PDE6A: variants seen among roughly 807,000 people sequenced by gnomAD.
PDE6A encodes the protein rod cGMP-specific 3',5'-cyclic phosphodiesterase subunit alpha.
PDE6A carries 84 observed loss-of-function variants against 106.3 expected under a neutral mutation model. The observed-to-expected ratio is 0.79, with a 90% confidence interval of 0.66 to 0.95. The LOEUF (loss-of-function observed/expected upper bound fraction) is 0.95. Ranked by LOEUF, PDE6A falls within the 40% of genes least tolerant of loss-of-function variation. The pLI is 0.00. For synonymous variants in PDE6A, 394 were observed against 386.6 expected, an observed-to-expected ratio of 1.02 and a Z score of -0.23; for missense variants, 1,052 against 1,084.9, an observed-to-expected ratio of 0.97 and a Z score of 0.43.
At chr5:149,920,446 T>G (rs1232590882) in intron 5 of PDE6A, among the ~76,000 whole-genome samples, 1 of 152,038 alleles carries the variant, frequency 6.6e-6, no homozygotes, top group Non-Finnish European at 1.5e-5. Context: ...CCAGGTATGG[T>G]GGCAGGTGCC....
At chr5:149,861,287 T>C (rs1241880876) in intron 21 of PDE6A, among the ~76,000 whole-genome samples, 1 of 152,262 alleles carries the variant, frequency 6.6e-6, no homozygotes, top group Non-Finnish European at 1.5e-5. Flanking sequence ...GCCACTCGGC[T>C]TCAGCCAATT....
At chr5:149,933,809 GAT>G (rs1003090608) in intron 3 of PDE6A, 119 bp downstream of exon 3, 9 of 729,282 alleles carry the variant, frequency 1.2e-5, no homozygotes, top group African/African-American at 3.5e-5. Flanking sequence ...TAACACTCGT[GAT>G]GCTGGCCAGA....
At chr5:149,910,096 C>A (rs1404709508) in intron 6 of PDE6A, among the ~76,000 whole-genome samples, 2 of 152,122 alleles carry the variant, frequency 1.3e-5, no homozygotes, top group East Asian at 3.8e-4. Flanking sequence ...GAGGTGCTTG[C>A]AAATTTAGAA....
intron 10 of PDE6A, among the ~76,000 whole-genome samples, chr5:149,897,344 A>G (rs1318362139): frequency 1.3e-5 from 2 of 152,102 alleles, no homozygotes; most frequent in African/African-American, 4.8e-5. Context: ...CTTGCTCCTG[A>G]TTTCTTGACC....
At chr5:149,906,703 T>C (rs552748278) in intron 7 of PDE6A, among the ~76,000 whole-genome samples, 2 of 152,176 alleles carry the variant, frequency 1.3e-5, no homozygotes, top group Admixed American at 6.5e-5. Flanking sequence ...TGTTTGCCCA[T>C]GTTCTTCCTT....
Position 149,934,678 on chromosome 5 carries a change from T to C in PDE6A, c.515A>G (p.Tyr172Cys). ...FCDFVDILTE[Y>C]KTKNILASPI... ...GGAAGCCAAGATGTTCTTGGTCTTG[T>C]ACTCTGTGAGGATGTCCACAAAGTC... Residue 172 changes from tyrosine to cysteine, a missense_variant, in exon 2 of 22, where the codon TAC becomes TGC. Transcript: ENST00000255266. 6.2e-7 allele frequency: 1 copy of C among 1,614,114 alleles called. No homozygotes were observed. The highest frequency in any genetic ancestry group is 8.5e-7 in the Non-Finnish European group (1 of 1,180,010).
intron 13 of PDE6A, among the ~76,000 whole-genome samples, chr5:149,889,429 AT>A (rs1271022127): frequency 6.6e-6 from 1 of 151,706 alleles, no homozygotes. Flanking sequence ...TTATTTATTT[AT>A]TTATTATTTA....
At chr5:149,862,225 C>T (rs921493501) in intron 21 of PDE6A, among the ~76,000 whole-genome samples, 3 of 152,120 alleles carry the variant, frequency 2.0e-5, no homozygotes, top group African/African-American at 7.2e-5. Flanking sequence ...GCAGTGCTGT[C>T]AGTAGTAAAG....
chr5:149,882,779 C>G (rs953461155), intron 17 of PDE6A, among the ~76,000 whole-genome samples: 1 of 151,584 alleles, frequency 6.6e-6, no homozygotes, highest in Admixed American at 6.6e-5. Flanking sequence ...TAATTCGGGC[C>G]GGGCATGATG....
In PDE6A at chr5:149,944,699, G is replaced by A. The variant is rs376038872; in HGVS notation, c.-26C>T. On this transcript the variant is annotated 5_prime_UTR_variant, in exon 1 of 22. Coordinates refer to ENST00000255266, the MANE Select transcript of PDE6A (RefSeq NM_000440.3). The stretch of plus-strand genomic sequence containing the variant: ...GGCTGGGAATCCCACTGGCTACTCT[G>A]TAGAAGGACTGGGACGGAGGCCTTC... 125 of 1,573,642 alleles carry A rather than the reference G, an allele frequency of 7.9e-5. No homozygotes were observed. The highest frequency in any genetic ancestry group is 1.0e-4 in the Non-Finnish European group (121 of 1,156,048).
At position 149,876,040 on chromosome 5, in the gene PDE6A, CG is replaced by C. The variant is rs199666820; in HGVS notation, c.2135+7388del. Among the ~76,000 whole-genome samples, 45 of 152,016 alleles carry C rather than the reference CG, an allele frequency of 3.0e-4. No individual in the cohort carries two copies. The East Asian group carries it at 8.5e-3, about 29-fold the overall frequency. On this transcript the variant is annotated intron_variant, in intron 17 of 21. Transcript: ENST00000255266. Reference sequence around the variant, plus strand: ...ATATGCTTGAAAGTCTTTCATTGATCGATTTTCATAATTACTTGCAATCAAT... The same window carrying C: ...ATATGCTTGAAAGTCTTTCATTGATCATTTTCATAATTACTTGCAATCAAT...
chr5:149,910,790 C>T (rs1246686049), intron 6 of PDE6A, among the ~76,000 whole-genome samples: 2 of 151,560 alleles, frequency 1.3e-5, no homozygotes, highest in South Asian at 2.1e-4. Context: ...AGTTCCAAGT[C>T]ACCAAACACT....
At chr5:149,870,786 A>AC (rs1259299135) in intron 17 of PDE6A, among the ~76,000 whole-genome samples, 1 of 151,570 alleles carries the variant, frequency 6.6e-6, no homozygotes, top group African/African-American at 2.4e-5. Flanking sequence ...AAAAAAAAAA[A>AC]AAAAAACTGT....
intron 5 of PDE6A, among the ~76,000 whole-genome samples, chr5:149,917,650 G>C (rs992551388): frequency 1.3e-5 from 2 of 152,128 alleles, no homozygotes; most frequent in African/African-American, 4.8e-5. Context: ...CCCTAAAATA[G>C]GAAGCATCCA....
At position 149,934,665 on chromosome 5, in the gene PDE6A, G is replaced by A. The variant is rs1754133437; in HGVS notation, c.528C>T (p.Asn176=). The A allele has an allele frequency of 1.9e-6, 3 of 1,613,702 alleles. No individual in the cohort carries two copies. The highest frequency in any genetic ancestry group is 2.2e-5 in the East Asian group (1 of 44,894). ...VDILTEYKTK[N]ILASPIMNGK... ...CATTCATTATGGGGGAAGCCAAGAT[G>A]TTCTTGGTCTTGTACTCTGTGAGGA... The change falls in exon 2 of 22, where the codon AAC becomes AAT. Residue 176 remains asparagine (N), a synonymous_variant. Transcript: ENST00000255266.
chr5:149,940,887 T>A (rs140451018), intron 1 of PDE6A, among the ~76,000 whole-genome samples: 266 of 152,298 alleles, frequency 1.7e-3, no homozygotes, highest in African/African-American at 6.2e-3. Flanking sequence ...GTCTATTAAA[T>A]AAGGCAGTTG....
At chr5:149,899,304 A>C (rs1752875585) in intron 9 of PDE6A, 71 bp downstream of exon 9, 2 of 1,509,786 alleles carry the variant, frequency 1.3e-6, no homozygotes, top group African/African-American at 1.4e-5. Context: ...GTGATAGCGC[A>C]GTGACACCCA....
intron 4 of PDE6A, among the ~76,000 whole-genome samples, chr5:149,930,725 C>T (rs1754008338): frequency 6.6e-6 from 1 of 152,222 alleles, no homozygotes; most frequent in African/African-American, 2.4e-5. Flanking sequence ...GGACTCTCAA[C>T]CCACATAGAA....
intron 4 of PDE6A, among the ~76,000 whole-genome samples, chr5:149,926,468 TA>T: frequency 6.6e-6 from 1 of 152,264 alleles, no homozygotes; most frequent in South Asian, 2.1e-4. Flanking sequence ...TACTTCACAC[TA>T]AACATAAAAA....
Sources: allele counts gnomAD v4.1 joint callset (sites outside exome capture counted in the v4.1 genomes callset), GRCh38; gene constraint gnomAD v4.1.1; transcripts MANE v1.5; gene names NCBI Gene and HGNC (gene_info 2026-07-23, HGNC 2026-07-21).